The following OLAH variants were observed in gnomAD, a reference collection of about 807,000 sequenced individuals.
OLAH encodes the protein oleoyl-ACP hydrolase.
OLAH carries 33 observed loss-of-function variants against 27.8 expected under a neutral mutation model. That is an observed-to-expected ratio of 1.19 (90% confidence interval 0.90 to 1.59). The LOEUF (loss-of-function observed/expected upper bound fraction) is 1.59. Ranked by LOEUF, OLAH falls within the 40% of genes most tolerant of loss-of-function variation. The pLI is 0.00. For synonymous variants in OLAH, 120 were observed against 102.9 expected (o/e 1.17, Z -1.01); for missense variants, 359 against 310.8 (o/e 1.16, Z -1.17).
At chr10:15,052,199 CT>C (rs1844156581) in intron 3 of OLAH, among the ~76,000 whole-genome samples, 1 of 152,132 alleles carries the variant, frequency 6.6e-6, no homozygotes, top group Non-Finnish European at 1.5e-5. Context: ...AGAAGAACCG[CT>C]TGAACCTGGG....
intron 6 of OLAH, chr10:15,071,574 G>A (rs776949284): frequency 3.5e-4 from 344 of 985,390 alleles, no homozygotes; most frequent in Middle Eastern, 5.2e-4. Flanking sequence ...CTGCTGCCAC[G>A]TGTCACATCC....
At chr10:15,057,036 T>C in intron 3 of OLAH, 1 of 1,346,352 alleles carries the variant, frequency 7.4e-7, no homozygotes, top group Non-Finnish European at 9.6e-7. Flanking sequence ...TTCTTTTTAA[T>C]GTGGTGTCTT....
intron 1 of OLAH, among the ~76,000 whole-genome samples, chr10:15,038,135 C>A (rs751659224): frequency 6.6e-6 from 1 of 152,216 alleles, no homozygotes; most frequent in Non-Finnish European, 1.5e-5. Context: ...TGGCATGGGG[C>A]CTGTAGCCCC....
At chr10:15,045,731 G>T (rs901222985) in intron 1 of OLAH, among the ~76,000 whole-genome samples, 4 of 152,134 alleles carry the variant, frequency 2.6e-5, no homozygotes, top group Non-Finnish European at 5.9e-5. Context: ...AGTTAACCGT[G>T]GCCTTAAAAT....
chr10:15,047,526 C>A (rs1042462591), intron 2 of OLAH: 2 of 562,254 alleles, frequency 3.6e-6, no homozygotes, highest in South Asian at 2.0e-5. Context: ...AAAACCCTGT[C>A]TCTACTAAAA....
At chr10:15,048,305 C>T (rs56887805) in intron 2 of OLAH, among the ~76,000 whole-genome samples, 3 of 152,210 alleles carry the variant, frequency 2.0e-5, no homozygotes, top group Admixed American at 1.3e-4. Context: ...GCAACCCCCC[C>T]CTCCTGGGTT....
upstream of OLAH, among the ~76,000 whole-genome samples, chr10:15,039,833 C>G (rs905651815): frequency 6.6e-6 from 1 of 152,178 alleles, no homozygotes; most frequent in African/African-American, 2.4e-5. Flanking sequence ...AAGGGCATCA[C>G]TTACGATGAT....
intron 1 of OLAH, among the ~76,000 whole-genome samples, chr10:15,033,545 G>A (rs993141246): frequency 6.6e-6 from 1 of 151,996 alleles, no homozygotes; most frequent in Non-Finnish European, 1.5e-5. Context: ...AGAGAGAAGA[G>A]GTGATGTCTT....
chr10:15,037,699 C>G (rs760218596), intron 1 of OLAH, among the ~76,000 whole-genome samples: 2 of 152,096 alleles, frequency 1.3e-5, no homozygotes, highest in Non-Finnish European at 2.9e-5. Context: ...TGTGAGCTAT[C>G]CACAGGCAGC....
chr10:15,052,973 T>C (rs1406966140), intron 3 of OLAH, among the ~76,000 whole-genome samples: 3 of 152,036 alleles, frequency 2.0e-5, no homozygotes, highest in Non-Finnish European at 2.9e-5. Context: ...ACTCCTGACC[T>C]CAAGTGATCC....
intron 1 of OLAH, among the ~76,000 whole-genome samples, chr10:15,035,272 A>G (rs1384200595): frequency 6.6e-6 from 1 of 152,204 alleles, no homozygotes; most frequent in East Asian, 1.9e-4. Context: ...GCTGGTGCCA[A>G]ACAGCACTGT....
At chr10:15,062,086 A>G (rs980555417) in intron 4 of OLAH, 7 of 436,278 alleles carry the variant, frequency 1.6e-5, no homozygotes, top group African/African-American at 1.4e-4. Context: ...TAAAACCAAG[A>G]CTTTAACAGC....
At chr10:15,062,045 T>A (rs1278049319) in intron 4 of OLAH, 183 bp downstream of exon 4, 1 of 520,276 alleles carries the variant, frequency 1.9e-6, no homozygotes, top group Non-Finnish European at 3.2e-6. Context: ...ACCTATTTTT[T>A]TTCCTTTTAG....
intron 1 of OLAH, among the ~76,000 whole-genome samples, chr10:15,033,563 G>A (rs1390128062): frequency 6.6e-6 from 1 of 152,136 alleles, no homozygotes; most frequent in Admixed American, 6.6e-5. Context: ...CTTAGTCTAT[G>A]CTGCTATAAC....
intron 1 of OLAH, 83 bp downstream of exon 1, chr10:15,044,069 G>A (rs920141918): frequency 3.3e-5 from 5 of 151,920 alleles, no homozygotes; most frequent in Non-Finnish European, 7.4e-5. Context: ...GCCTATAGTT[G>A]GATTATCTTT....
chr10:15,045,552 C>T (rs1024771633), intron 1 of OLAH, among the ~76,000 whole-genome samples: 17 of 152,076 alleles, frequency 1.1e-4, no homozygotes, highest in African/African-American at 4.1e-4. Context: ...TAAGAAAAGG[C>T]TCTAAGAAAC....
chr10:15,056,792 G>A (rs566745144), intron 3 of OLAH: 29 of 1,433,000 alleles, frequency 2.0e-5, no homozygotes, highest in South Asian at 8.9e-5. Context: ...CACTATGCTC[G>A]GCTAATTTTA....
At chr10:15,043,595 C>A (rs1843960404), upstream of OLAH, among the ~76,000 whole-genome samples, 1 of 151,730 alleles carries the variant, frequency 6.6e-6, no homozygotes. Context: ...CTGCCTCAGC[C>A]TCCTCAGTAG....
intron 7 of OLAH, among the ~76,000 whole-genome samples, chr10:15,072,533 G>C (rs1333447370): frequency 6.6e-6 from 1 of 152,132 alleles, no homozygotes; most frequent in Non-Finnish European, 1.5e-5. Flanking sequence ...TAAAACCTGA[G>C]AGGGGCTCCT....
Sources: gnomAD v4.1 joint callset for allele counts (sites outside exome capture counted in the v4.1 genomes callset) on GRCh38, gnomAD v4.1.1 for gene constraint, MANE v1.5 for transcripts, NCBI Gene and HGNC (gene_info 2026-07-23, HGNC 2026-07-21) for gene names.